Variants in LUZP2 observed in about 807,000 individuals in gnomAD.
LUZP2 encodes leucine zipper protein 2.
In LUZP2, 52 loss-of-function variants were observed where a neutral mutation model predicts 51.6. The ratio of observed to expected loss-of-function variants is 1.01; its 90% CI spans 0.81 to 1.27. The LOEUF (loss-of-function observed/expected upper bound fraction) is 1.27, where lower values mean the gene tolerates loss of function less well. LUZP2 is among the 50% of genes most tolerant of loss of function. The pLI is 0.00. For missense variants in LUZP2, 436 were observed against 395.4 expected (o/e 1.10, Z -0.87); for synonymous variants, 154 against 137.3 (o/e 1.12, Z -0.85).
intron 1 of LUZP2, among the ~76,000 whole-genome samples, chr11:24,559,198 T>TA (rs1234351149): frequency 1.3e-5 from 2 of 151,722 alleles, no homozygotes; most frequent in Non-Finnish European, 2.9e-5. Flanking sequence ...TAAATAGAAA[T>TA]AAAAAATAAG....
intron 7 of LUZP2, among the ~76,000 whole-genome samples, chr11:24,943,746 T>G (rs1424215173): frequency 6.6e-6 from 1 of 151,688 alleles, no homozygotes; most frequent in East Asian, 1.9e-4. Flanking sequence ...GGTGTCGTGG[T>G]GCATGCCTGT....
At chr11:25,053,836 A>G (rs544380040) in intron 10 of LUZP2, among the ~76,000 whole-genome samples, 2 of 152,266 alleles carry the variant, frequency 1.3e-5, no homozygotes, top group South Asian at 2.1e-4. Context: ...GGGTTTGATG[A>G]TAAGTTTATG....
intron 1 of LUZP2, among the ~76,000 whole-genome samples, chr11:24,552,167 A>G (rs910369995): frequency 3.3e-5 from 5 of 152,064 alleles, no homozygotes; most frequent in African/African-American, 1.2e-4. Context: ...ATGTAGATTC[A>G]GTATCTTAAA....
intron 5 of LUZP2, among the ~76,000 whole-genome samples, chr11:24,785,010 A>G (rs1849201803): frequency 6.6e-6 from 1 of 152,040 alleles, no homozygotes; most frequent in Non-Finnish European, 1.5e-5. Flanking sequence ...AATTCCACAG[A>G]TCTGTGGAAG....
intron 9 of LUZP2, among the ~76,000 whole-genome samples, chr11:24,996,583 TTTTA>T (rs1856509471): frequency 1.5e-4 from 1 of 6,488 alleles, no homozygotes; most frequent in African/African-American, 1.6e-4. Flanking sequence ...TTTTATTTTA[TTTTA>T]TTTTATTTTA....
At chr11:24,976,399 A>G (rs943606804) in intron 7 of LUZP2, among the ~76,000 whole-genome samples, 192 bp from the exon 8 acceptor site, 2 of 151,852 alleles carry the variant, frequency 1.3e-5, no homozygotes, top group African/African-American at 4.8e-5. Context: ...TCTGCATATT[A>G]AATATTCTGC....
chr11:24,633,960 G>GTATATATA (rs766684338), intron 1 of LUZP2, among the ~76,000 whole-genome samples: 35 of 135,634 alleles, frequency 2.6e-4, no homozygotes, highest in African/African-American at 7.2e-4. Context: ...GTGTGTGTGT[G>GTATATATA]TGTGTATATA....
intron 9 of LUZP2, among the ~76,000 whole-genome samples, 175 bp from the exon 10 acceptor site, chr11:25,049,863 A>G (rs879438940): frequency 6.6e-6 from 1 of 152,072 alleles, no homozygotes; most frequent in Non-Finnish European, 1.5e-5. Context: ...TTTTCAAGGT[A>G]TATTTTATGG....
chr11:24,628,531 G>C (rs918155970), intron 1 of LUZP2, among the ~76,000 whole-genome samples: 2 of 151,940 alleles, frequency 1.3e-5, no homozygotes, highest in African/African-American at 4.8e-5. Context: ...CTAAGTAATT[G>C]CCTCATACTG....
intron 7 of LUZP2, among the ~76,000 whole-genome samples, chr11:24,923,022 G>A (rs920898237): frequency 6.6e-6 from 1 of 151,144 alleles, no homozygotes; most frequent in Non-Finnish European, 1.5e-5. Context: ...CTAATTTTTT[G>A]TATTTTTGGT....
intron 5 of LUZP2, among the ~76,000 whole-genome samples, chr11:24,897,768 T>C (rs1853130247): frequency 6.6e-6 from 1 of 152,204 alleles, no homozygotes; most frequent in South Asian, 2.1e-4. Context: ...TATGACTTGT[T>C]GGGAAAATAG....
intron 8 of LUZP2, among the ~76,000 whole-genome samples, chr11:24,979,575 T>C (rs966859477): frequency 1.3e-5 from 2 of 151,888 alleles, no homozygotes; most frequent in African/African-American, 4.8e-5. Context: ...TATGACATAT[T>C]TAATGAAAGA....
chr11:24,819,720 C>T (rs892296662), intron 5 of LUZP2, among the ~76,000 whole-genome samples: 2 of 151,952 alleles, frequency 1.3e-5, no homozygotes, highest in Non-Finnish European at 2.9e-5. Flanking sequence ...CCCATTTACA[C>T]ATTAATCAAA....
intron 5 of LUZP2, among the ~76,000 whole-genome samples, chr11:24,783,883 T>C (rs1008643905): frequency 6.6e-6 from 1 of 151,958 alleles, no homozygotes; most frequent in Non-Finnish European, 1.5e-5. Flanking sequence ...CTCAAGGTAT[T>C]TGTAGCAACA....
At chr11:24,516,732 G>T (rs945539766) in intron 1 of LUZP2, among the ~76,000 whole-genome samples, 2 of 152,142 alleles carry the variant, frequency 1.3e-5, no homozygotes, top group African/African-American at 4.8e-5. Flanking sequence ...GTAGTCATTT[G>T]TAATATTTTA....
At chr11:24,551,754 G>A (rs1254535534) in intron 1 of LUZP2, among the ~76,000 whole-genome samples, 4 of 151,938 alleles carry the variant, frequency 2.6e-5, no homozygotes, top group Non-Finnish European at 5.9e-5. Flanking sequence ...AATAAAGTAG[G>A]TAATAGTAAC....
intron 7 of LUZP2, among the ~76,000 whole-genome samples, chr11:24,972,139 G>GAAAAAAAAAAA (rs10701148): frequency 3.0e-5 from 1 of 32,794 alleles, no homozygotes. Flanking sequence ...GTGAGACTCC[G>GAAAAAAAAAAA]AAAAAAAAAA....
At position 25,082,507 on chromosome 11, in the gene LUZP2, C is replaced by T. The variant is rs1859480683; in HGVS notation, c.*3849C>T. On this transcript the variant is annotated 3_prime_UTR_variant, in exon 12 of 12. Transcript: ENST00000336930. ...TTTACTTAGGAGACATTTTCTTAGT[C>T]GTGTGTATAGTCCTAAATTTCCCCA... 1 of 152,192 alleles carries T rather than the reference C, an allele frequency of 6.6e-6. No individual in the cohort carries two copies. Among genetic ancestry groups the T allele is most frequent in the African/African-American group, 2.4e-5 (1 of 41,412 alleles). 9.4% of individuals were successfully genotyped at this position (152,192 alleles called of 1,614,324 possible).
rs1422269339 is a variant in LUZP2 at position 24,541,113 on chromosome 11, CGTG to C, written c.62+43816_62+43818del. Among the ~76,000 whole-genome samples the C allele has an allele frequency of 3.3e-5, 5 of 151,532 alleles. No individual in the cohort carries two copies. In the South Asian group the frequency reaches 1.0e-3, roughly 32 times the overall value. ...ACTAAAAATACAAAAATTAGCCGGG[CGTG>C]GTGGTGGGCGCCTGTAATCCCAGCT... On this transcript the variant is annotated intron_variant, in intron 1 of 11. Coordinates refer to ENST00000336930, the MANE Select transcript of LUZP2 (RefSeq NM_001009909.4).
Sources: gnomAD v4.1 joint callset for allele counts (sites outside exome capture counted in the v4.1 genomes callset) on GRCh38, gnomAD v4.1.1 for gene constraint, MANE v1.5 for transcripts, NCBI Gene and HGNC (gene_info 2026-07-23, HGNC 2026-07-21) for gene names.